PTPN11: variants seen among roughly 807,000 people sequenced by gnomAD.
PTPN11 encodes the protein protein tyrosine phosphatase non-receptor type 11, also known as tyrosine-protein phosphatase non-receptor type 11.
Under a neutral mutation model 78.8 loss-of-function variants are expected in PTPN11, and 6 were observed. The ratio of observed to expected loss-of-function variants is 0.08; its 90% CI spans 0.04 to 0.15. The LOEUF (loss-of-function observed/expected upper bound fraction) is 0.15, where lower values mean the gene tolerates loss of function less well. Ranked by LOEUF, PTPN11 falls within the 10% of genes least tolerant of loss-of-function variation. The pLI is 1.00. For missense variants in PTPN11, 386 were observed against 744.8 expected (o/e 0.52, Z 5.61); for synonymous variants, 221 against 263.5 (o/e 0.84, Z 1.56).
At position 112,508,262 on chromosome 12, in the gene PTPN11, G is replaced by A. The variant is rs1052028282; in HGVS notation, c.*2470G>A. The A allele has an allele frequency of 6.6e-5, 10 of 152,584 alleles. No individual in the cohort carries two copies. Among genetic ancestry groups the A allele is most frequent in the African/African-American group, 2.4e-4 (10 of 41,444 alleles). 9.5% of individuals were successfully genotyped at this position (152,584 alleles called of 1,614,324 possible). A position where few individuals can be genotyped will look rare whatever the true frequency, so the allele number is the denominator to read the frequency against. ...CTATCATGTTCTTATGTAAACTTAG[G>A]CCAAGGCCAGAGTTATCATAGTCCC... On this transcript the variant is annotated 3_prime_UTR_variant, in exon 16 of 16. Coordinates refer to ENST00000351677, the MANE Select transcript of PTPN11 (RefSeq NM_002834.5).
chr12:112,427,119 G>A (rs1251455771), intron 1 of PTPN11, among the ~76,000 whole-genome samples: 2 of 152,146 alleles, frequency 1.3e-5, no homozygotes, highest in Non-Finnish European at 2.9e-5. Flanking sequence ...GGTGGTGCAT[G>A]CCTGTAGTCA....
intron 9 of PTPN11, among the ~76,000 whole-genome samples, chr12:112,478,296 G>C (rs2038541074): frequency 6.6e-6 from 1 of 151,818 alleles, no homozygotes; most frequent in Non-Finnish European, 1.5e-5. Context: ...TCCTGGGCTG[G>C]GCATGGTGGC....
At chr12:112,428,981 A>G (rs1438457921) in intron 1 of PTPN11, 2 of 152,296 alleles carry the variant, frequency 1.3e-5, no homozygotes, top group Non-Finnish European at 2.9e-5. Flanking sequence ...TCCCAACCTC[A>G]GCTGATCCGC....
chr12:112,495,889 A>C (rs928342752), intron 13 of PTPN11, among the ~76,000 whole-genome samples: 6 of 152,156 alleles, frequency 3.9e-5, no homozygotes, highest in African/African-American at 1.2e-4. Flanking sequence ...TCATAAAATC[A>C]AAAAAACCAT....
chr12:112,502,235 C>G lies in PTPN11; in HGVS notation c.1691C>G (p.Thr564Ser). The change falls in exon 14 of 16, where the codon ACT (threonine) becomes AGT (serine). Residue 564 changes from threonine (T) to serine (S), a missense_variant. Coordinates refer to ENST00000351677, the MANE Select transcript of PTPN11 (RefSeq NM_002834.5). ...GATCAGAGCCCTCTCCCGCCTTGTA[C>G]TCCAACGCCACCCTGTGCAGAGTAA... The part of the protein sequence containing the change: ...SGDQSPLPPC[T>S]PTPPCAEMRE... 6.2e-7 allele frequency: 1 copy of G among 1,613,324 alleles called. No individual in the cohort carries two copies. The highest frequency in any genetic ancestry group is 8.5e-7 in the Non-Finnish European group (1 of 1,179,294).
At chr12:112,486,677 T>A (rs1189676035) in intron 11 of PTPN11, 48 bp downstream of exon 11, 1 of 1,606,368 alleles carries the variant, frequency 6.2e-7, no homozygotes, top group Non-Finnish European at 8.5e-7. Context: ...CCCTGTCTCC[T>A]AGCGCCCAGG....
intron 6 of PTPN11, among the ~76,000 whole-genome samples, chr12:112,459,888 A>G (rs754706627): frequency 6.6e-6 from 1 of 151,550 alleles, no homozygotes; most frequent in African/African-American, 2.4e-5. Flanking sequence ...AACACATATC[A>G]GTCACATTTT....
intron 13 of PTPN11, among the ~76,000 whole-genome samples, chr12:112,492,825 A>G (rs2038767000): frequency 6.6e-6 from 1 of 151,856 alleles, no homozygotes; most frequent in Non-Finnish European, 1.5e-5. Context: ...CTCTCATAAT[A>G]CTTTTTGCCT....
At position 112,419,051 on chromosome 12, in the gene PTPN11, C is replaced by G; in HGVS notation, c.-61C>G. The G allele has an allele frequency of 5.2e-6, 8 of 1,533,876 alleles. No individual in the cohort carries two copies. Among genetic ancestry groups the G allele is most frequent in the Non-Finnish European group, 8.7e-7 (1 of 1,143,008 alleles). On this transcript the variant is annotated 5_prime_UTR_variant, in exon 1 of 16. Transcript: ENST00000351677. Reference sequence around the variant, plus strand: ...CTCCCTCGGGCCAGCCCGATGTGACCGAGCCCAGCGGAGCCTGAGCAAGGA... The same window carrying G: ...CTCCCTCGGGCCAGCCCGATGTGACGGAGCCCAGCGGAGCCTGAGCAAGGA...
chr12:112,424,915 G>A (rs1382823277), intron 1 of PTPN11, among the ~76,000 whole-genome samples: 2 of 144,736 alleles, frequency 1.4e-5, no homozygotes, highest in African/African-American at 5.1e-5. Context: ...GTGTGTGTGT[G>A]TGTGCTGGGA....
At chr12:112,480,690 C>A (rs1468722600) in intron 9 of PTPN11, among the ~76,000 whole-genome samples, 1 of 152,146 alleles carries the variant, frequency 6.6e-6, no homozygotes, top group African/African-American at 2.4e-5. Flanking sequence ...AACGTTCCTC[C>A]TACCATGTTT....
At chr12:112,440,591 T>TA (rs1426848329) in intron 1 of PTPN11, among the ~76,000 whole-genome samples, 4 of 142,816 alleles carry the variant, frequency 2.8e-5, no homozygotes, top group Admixed American at 7.5e-5. Flanking sequence ...TTTTTTTTTT[T>TA]AAGACAGAGT....
At chr12:112,478,063 G>A in intron 9 of PTPN11, 48 bp downstream of exon 9, 10 of 1,600,850 alleles carry the variant, frequency 6.2e-6, no homozygotes, top group Non-Finnish European at 7.7e-6. Context: ...TAAAGTATCA[G>A]ACATGTCAGA....
At chr12:112,472,635 TA>T (rs2038436932) in intron 6 of PTPN11, among the ~76,000 whole-genome samples, 1 of 151,928 alleles carries the variant, frequency 6.6e-6, no homozygotes, top group African/African-American at 2.4e-5. Flanking sequence ...CCCTCCCACG[TA>T]GCTGGGATTA....
intron 6 of PTPN11, among the ~76,000 whole-genome samples, chr12:112,467,359 T>C (rs1017863342): frequency 1.3e-5 from 2 of 152,162 alleles, no homozygotes; most frequent in African/African-American, 2.4e-5. Flanking sequence ...TTCTGAAGGC[T>C]GTACAAGCAT....
chr12:112,459,167 C>G (rs1472013514), intron 6 of PTPN11, among the ~76,000 whole-genome samples: 1 of 152,192 alleles, frequency 6.6e-6, no homozygotes, highest in Non-Finnish European at 1.5e-5. Context: ...TCATTACTTT[C>G]ACTTCATTTC....
chr12:112,507,020 G>A lies in PTPN11; in HGVS notation c.*1228G>A, dbSNP rs904901602. 1.8e-5 allele frequency: 4 copies of A among 226,964 alleles called. No homozygotes were observed. Among genetic ancestry groups the A allele is most frequent in the South Asian group, 1.5e-4 (2 of 13,506 alleles). The allele number at this position is 226,964 out of a possible 1,614,324, so 14.1% of individuals were successfully genotyped here. On this transcript the variant is annotated 3_prime_UTR_variant, in exon 16 of 16. Transcript: ENST00000351677. ...TTTTTTCTAATCAGAAGAAAGCTGG[G>A]GTATGCCCTCTACTTACTAAACAAG...
intron 6 of PTPN11, 135 bp from the exon 7 acceptor site, chr12:112,472,809 C>A (rs1299698585): frequency 4.9e-6 from 4 of 820,922 alleles, no homozygotes; most frequent in Admixed American, 3.7e-5. Flanking sequence ...CCCAGATGAA[C>A]ATTCTTGTAG....
intron 3 of PTPN11, among the ~76,000 whole-genome samples, chr12:112,451,055 C>G (rs1346425424): frequency 1.3e-5 from 2 of 152,210 alleles, no homozygotes; most frequent in Non-Finnish European, 2.9e-5. Flanking sequence ...ATCTTTCCCC[C>G]TGTGTTGGAA....
Sources: allele counts gnomAD v4.1 joint callset (sites outside exome capture counted in the v4.1 genomes callset), GRCh38; gene constraint gnomAD v4.1.1; transcripts MANE v1.5; gene names NCBI Gene and HGNC (gene_info 2026-07-23, HGNC 2026-07-21).